The following HSPA4L variants were observed in gnomAD, a reference collection of about 807,000 sequenced individuals.
HSPA4L encodes the protein heat shock protein family A (Hsp70) member 4 like.
Under a neutral mutation model 100.3 loss-of-function variants are expected in HSPA4L, and 48 were observed. The observed-to-expected ratio is 0.48, with a 90% CI of 0.38 to 0.61. HSPA4L has a LOEUF of 0.61. Among genes scored for constraint, HSPA4L ranks in the 20% least tolerant of loss-of-function variants. The pLI, the probability that HSPA4L is intolerant of heterozygous loss-of-function variation, is 0.00. For synonymous variants in HSPA4L, 319 were observed against 328.2 expected (o/e 0.97, Z 0.30); for missense variants, 886 against 988.6 (o/e 0.90, Z 1.39).
chr4:127,801,068 T>C (rs1182411022), intron 4 of HSPA4L, 70 bp from the exon 5 acceptor site: 1 of 1,118,754 alleles, frequency 8.9e-7, no homozygotes, highest in Non-Finnish European at 1.3e-6. Flanking sequence ...AGTTTTAGGG[T>C]AATTATATTT....
rs777522900 is a variant in HSPA4L at position 127,808,175 on chromosome 4, T to A, written c.1378+46T>A. On this transcript the variant is annotated intron_variant, in intron 11 of 18. Transcript: ENST00000296464. Reference sequence around the variant, plus strand: ...CCATAACATTTTGGCCTTTTATAAATAATGTGTTATTTTAGAATCAAGGAA... The same window carrying A: ...CCATAACATTTTGGCCTTTTATAAAAAATGTGTTATTTTAGAATCAAGGAA... The A allele has an allele frequency of 4.8e-6, 7 of 1,472,056 alleles. No homozygotes were observed. The South Asian group carries it at 9.0e-5, about 19-fold the overall frequency. The allele number at this position is 1,472,056 out of a possible 1,614,324, so 91.2% of individuals were successfully genotyped here. A position where few individuals can be genotyped will look rare whatever the true frequency, so the allele number is the denominator to read the frequency against.
intron 12 of HSPA4L, among the ~76,000 whole-genome samples, chr4:127,814,930 CT>C (rs1223306588): frequency 4.6e-5 from 7 of 152,140 alleles, no homozygotes; most frequent in African/African-American, 1.7e-4. Context: ...AGTTTAAAGA[CT>C]TAAATACCAT....
intron 16 of HSPA4L, among the ~76,000 whole-genome samples, chr4:127,827,063 T>C (rs1733966677): frequency 1.3e-5 from 2 of 152,122 alleles, no homozygotes; most frequent in Admixed American, 1.3e-4. Flanking sequence ...GATTGAGACA[T>C]TGGATTTGAG....
Position 127,830,646 on chromosome 4 carries a change from A to T in HSPA4L, c.2175A>T (p.Arg725Ser). ...VIEAYRNKDE[R>S]YDHLDPTEME... ...TTTTTTTTTTTAAATAGGATGAAAG[A>T]TATGATCATCTGGATCCTACTGAAA... Residue 725 changes from arginine to serine, a missense_variant, in exon 18 of 19, where the codon AGA becomes AGT. Physicochemically the swap from Arg to Ser is moderately radical, Grantham distance 110. Transcript: ENST00000296464. The T allele has an allele frequency of 6.3e-7, 1 of 1,580,204 alleles. No individual in the cohort carries two copies. Among genetic ancestry groups the T allele is most frequent in the Middle Eastern group, 1.7e-4 (1 of 5,838 alleles).
intron 10 of HSPA4L, 64 bp downstream of exon 10, chr4:127,805,857 T>G: frequency 9.3e-7 from 1 of 1,076,440 alleles, no homozygotes; most frequent in Non-Finnish European, 1.4e-6. Flanking sequence ...AAACCTACTT[T>G]TCTAAATTAG....
At chr4:127,822,552 G>A (rs1462074654) in intron 14 of HSPA4L, among the ~76,000 whole-genome samples, 1 of 152,116 alleles carries the variant, frequency 6.6e-6, no homozygotes, top group East Asian at 1.9e-4. Context: ...TCTGTGCTTA[G>A]CATTTTGAGG....
rs999874000 is a variant in HSPA4L, at chr4:127,834,173, T to C, written c.*1299T>C. ...AAACTGCTTAAGTATGGGAACAGAC[T>C]GAAATGGTGTTTCAACCTGCAAGAG... is the stretch of plus-strand genomic sequence containing the variant. On this transcript the variant is annotated 3_prime_UTR_variant, in exon 19 of 19. Coordinates refer to ENST00000296464, the MANE Select transcript of HSPA4L (RefSeq NM_014278.4). 1 of 152,178 alleles carries C rather than the reference T, an allele frequency of 6.6e-6. No homozygotes were observed. The highest frequency in any genetic ancestry group is 2.4e-5 in the African/African-American group (1 of 41,456). The allele number at this position is 152,178 out of a possible 1,614,324, so 9.4% of individuals were successfully genotyped here. A position where few individuals can be genotyped will look rare whatever the true frequency, so the allele number is the denominator to read the frequency against.
intron 18 of HSPA4L, among the ~76,000 whole-genome samples, chr4:127,831,298 C>G (rs950993000): frequency 6.6e-6 from 1 of 151,800 alleles, no homozygotes; most frequent in African/African-American, 2.4e-5. Flanking sequence ...CCCAGGAGTT[C>G]GAGACCAGCA....
chr4:127,821,267 G>A (rs1325929895), intron 14 of HSPA4L, among the ~76,000 whole-genome samples: 5 of 151,972 alleles, frequency 3.3e-5, no homozygotes, highest in Non-Finnish European at 5.9e-5. Context: ...TGAATAATTT[G>A]GAATTTGTGT....
chr4:127,782,177 A>T (rs1361511902), upstream of HSPA4L: 2 of 419,658 alleles, frequency 4.8e-6, no homozygotes, highest in East Asian at 1.6e-4. Context: ...CTTCTTGGGC[A>T]GCCGTTGCCC....
rs1734220799 is a variant in HSPA4L, at chr4:127,836,722, AT to A, written c.*3852del. 1 of 152,080 alleles carries A rather than the reference AT, an allele frequency of 6.6e-6. No individual in the cohort carries two copies. Among genetic ancestry groups the A allele is most frequent in the Non-Finnish European group, 1.5e-5 (1 of 68,036 alleles). The allele number at this position is 152,080 out of a possible 1,614,324, so 9.4% of individuals were successfully genotyped here. A position where few individuals can be genotyped will look rare whatever the true frequency, so the allele number is the denominator to read the frequency against. On this transcript the variant is annotated 3_prime_UTR_variant, in exon 19 of 19. Transcript: ENST00000296464. ...TTGAATATAGTAATCAAATTAACTG[AT>A]TTTGTTTTCACCCTAAATACATACA...
rs1185590390 is a variant in HSPA4L at position 127,834,203 on chromosome 4, A to T, written c.*1329A>T. On this transcript the variant is annotated 3_prime_UTR_variant, in exon 19 of 19. Transcript: ENST00000296464. Reference sequence around the variant, plus strand: ...TGGTGTTTCAACCTGCAAGAGACAGAAGCATAGACAAGTATATGAGCCCTT... The same window carrying T: ...TGGTGTTTCAACCTGCAAGAGACAGTAGCATAGACAAGTATATGAGCCCTT... The T allele has an allele frequency of 6.6e-6, 1 of 150,706 alleles. No homozygotes were observed. The highest frequency in any genetic ancestry group is 1.5e-5 in the Non-Finnish European group (1 of 67,998). The allele number at this position is 150,706 out of a possible 1,614,324, so 9.3% of individuals were successfully genotyped here.
At chr4:127,790,478 A>G (rs113705648) in intron 1 of HSPA4L, among the ~76,000 whole-genome samples, 25 of 152,332 alleles carry the variant, frequency 1.6e-4, no homozygotes, top group African/African-American at 5.5e-4. Flanking sequence ...TATTTATAAG[A>G]GATGTGAAGA....
intron 10 of HSPA4L, among the ~76,000 whole-genome samples, chr4:127,807,269 A>G (rs1228029412): frequency 6.6e-6 from 1 of 152,036 alleles, no homozygotes; most frequent in Non-Finnish European, 1.5e-5. Flanking sequence ...CTGTTAAACA[A>G]TTTAAGGAAT....
At chr4:127,786,960 T>G (rs1230712831) in intron 1 of HSPA4L, among the ~76,000 whole-genome samples, 1 of 152,228 alleles carries the variant, frequency 6.6e-6, no homozygotes, top group Non-Finnish European at 1.5e-5. Flanking sequence ...TAATTTATAG[T>G]CTGTAATTAA....
intron 11 of HSPA4L, chr4:127,809,344 C>T (rs1042912402): frequency 7.1e-6 from 8 of 1,129,720 alleles, no homozygotes; most frequent in South Asian, 2.5e-5. Flanking sequence ...CACGCTGAGC[C>T]GCAGTATATT....
Position 127,840,625 on chromosome 4 carries a change from T to C in HSPA4L, c.*7751T>C, listed in dbSNP as rs990487379. ...TTTCTATGTAAGTAAATTGCATCTT[T>C]ATGCTAGTGAACAAAGTAGCAATAA... is the stretch of plus-strand genomic sequence containing the variant. On this transcript the variant is annotated 3_prime_UTR_variant, in exon 19 of 19. Coordinates refer to ENST00000296464, the MANE Select transcript of HSPA4L (RefSeq NM_014278.4). 2 of 152,226 alleles carry C rather than the reference T, an allele frequency of 1.3e-5. No homozygotes were observed. Among genetic ancestry groups the C allele is most frequent in the African/African-American group, 4.8e-5 (2 of 41,458 alleles). 9.4% of individuals were successfully genotyped at this position (152,226 alleles called of 1,614,324 possible).
At chr4:127,787,334 T>G (rs988145959) in intron 1 of HSPA4L, among the ~76,000 whole-genome samples, 3 of 152,182 alleles carry the variant, frequency 2.0e-5, no homozygotes, top group Non-Finnish European at 2.9e-5. Context: ...CCTTTTTTTG[T>G]TAAATATTCT....
At chr4:127,817,312 C>T (rs992400101) in intron 12 of HSPA4L, among the ~76,000 whole-genome samples, 8 of 151,982 alleles carry the variant, frequency 5.3e-5, no homozygotes, top group Non-Finnish European at 8.8e-5. Context: ...GATCTGCCTG[C>T]CTTGGCCTCC....
Sources: gnomAD v4.1 joint callset for allele counts (sites outside exome capture counted in the v4.1 genomes callset) on GRCh38, gnomAD v4.1.1 for gene constraint, MANE v1.5 for transcripts, NCBI Gene and HGNC (gene_info 2026-07-23, HGNC 2026-07-21) for gene names.